Variants in GATAD1 observed in about 807,000 individuals in gnomAD.
The protein encoded by GATAD1 is GATA zinc finger domain containing 1.
Under a neutral mutation model 26.5 loss-of-function variants are expected in GATAD1, and 12 were observed. The ratio of observed to expected loss-of-function variants is 0.45; its 90% CI spans 0.29 to 0.73. GATAD1 has a LOEUF of 0.73. Ranked by LOEUF, GATAD1 falls within the 30% of genes least tolerant of loss-of-function variation. The pLI is 0.10. For missense variants in GATAD1, 266 were observed against 342.1 expected, an observed-to-expected ratio of 0.78 and a Z score of 1.75; for synonymous variants, 129 against 133.1, an observed-to-expected ratio of 0.97 and a Z score of 0.21.
At chr7:92,452,574 CCTAAACTAGT>C (rs1472122916) in intron 3 of GATAD1, among the ~76,000 whole-genome samples, 1 of 152,146 alleles carries the variant, frequency 6.6e-6, no homozygotes, top group Non-Finnish European at 1.5e-5. Flanking sequence ...TCTGGTGATG[CCTAAACTAGT>C]GCTGTTCTCG....
chr7:92,454,736 A>T, intron 4 of GATAD1, 51 bp downstream of exon 4: 1 of 1,261,420 alleles, frequency 7.9e-7, no homozygotes, highest in Non-Finnish European at 1.1e-6. Flanking sequence ...TAACTCTCCA[A>T]TATTATGTAA....
the GATAD1 span, chr7:92,494,516 G>A: frequency 3.1e-6 from 5 of 1,613,912 alleles, no homozygotes; most frequent in Non-Finnish European, 4.2e-6. Flanking sequence ...ATCCAACTGA[G>A]TCAGCAACTG....
chr7:92,452,631 T>C (rs1789486700), intron 3 of GATAD1, among the ~76,000 whole-genome samples: 1 of 152,214 alleles, frequency 6.6e-6, no homozygotes, highest in African/African-American at 2.4e-5. Flanking sequence ...CCTTGAATCC[T>C]CTCAGCAAAT....
the GATAD1 span, chr7:92,489,847 T>G: frequency 1.2e-6 from 2 of 1,613,934 alleles, no homozygotes; most frequent in Non-Finnish European, 1.7e-6. Context: ...AAACAACTGG[T>G]CTTTCCCAGG....
chr7:92,480,561 G>T, the GATAD1 span, among the ~76,000 whole-genome samples: 1 of 152,210 alleles, frequency 6.6e-6, no homozygotes, highest in Non-Finnish European at 1.5e-5. Context: ...AAGAGGTTAT[G>T]AAATGATGAC....
chr7:92,457,854 A>G lies in GATAD1; in HGVS notation c.*1292A>G, dbSNP rs1482178079. The G allele has an allele frequency of 2.6e-5, 4 of 152,212 alleles. No individual in the cohort carries two copies. In the East Asian group the frequency reaches 7.7e-4, roughly 29 times the overall value. The allele number at this position is 152,212 out of a possible 1,614,324, so 9.4% of individuals were successfully genotyped here. A position where few individuals can be genotyped will look rare whatever the true frequency, so the allele number is the denominator to read the frequency against. ...CCCAGGCTTTTAAAAACTTTCATCTAGGCCACGTGCGGTGGCTCATGCCTG... is the reference window on the plus strand; with the variant it reads ...CCCAGGCTTTTAAAAACTTTCATCTGGGCCACGTGCGGTGGCTCATGCCTG... On this transcript the variant is annotated 3_prime_UTR_variant, in exon 5 of 5. Transcript: ENST00000287957.
chr7:92,455,226 T>G (rs1789620769), intron 4 of GATAD1, among the ~76,000 whole-genome samples: 1 of 152,200 alleles, frequency 6.6e-6, no homozygotes, highest in Non-Finnish European at 1.5e-5. Context: ...GTGTGAGTGC[T>G]ATCAGTTATT....
chr7:92,487,342 A>T, the GATAD1 span: 2 of 633,388 alleles, frequency 3.2e-6, no homozygotes, highest in African/African-American at 3.7e-5. Context: ...GATTTTATAA[A>T]TTAACCAAAT....
chr7:92,465,234 A>C, the GATAD1 span: 3 of 152,254 alleles, frequency 2.0e-5, no homozygotes, highest in African/African-American at 7.2e-5. Context: ...CAAAGAATCT[A>C]ATACAAATTA....
intron 3 of GATAD1, among the ~76,000 whole-genome samples, chr7:92,452,688 A>G (rs1789489834): frequency 6.6e-6 from 1 of 152,194 alleles, no homozygotes; most frequent in Non-Finnish European, 1.5e-5. Context: ...GGTGTTATAT[A>G]TGTGTACACA....
At chr7:92,474,661 A>G in the GATAD1 span, 2 of 152,222 alleles carry the variant, frequency 1.3e-5, no homozygotes, top group African/African-American at 4.8e-5. Flanking sequence ...GGCTGCAGTT[A>G]TGGTGGCACT....
rs1023089561 is a variant in GATAD1 at position 92,458,756 on chromosome 7, G to A, written c.*2194G>A. 6.6e-6 allele frequency: 1 copy of A among 152,142 alleles called. No individual in the cohort carries two copies. Among genetic ancestry groups the A allele is most frequent in the Non-Finnish European group, 1.5e-5 (1 of 68,036 alleles). 9.4% of individuals were successfully genotyped at this position (152,142 alleles called of 1,614,324 possible). Reference sequence around the variant, plus strand: ...ATAATTATCTCTTTATTCACAAAGGGTATAGTAAAATTGATTGTAAATAAC... The same window carrying A: ...ATAATTATCTCTTTATTCACAAAGGATATAGTAAAATTGATTGTAAATAAC... On this transcript the variant is annotated 3_prime_UTR_variant, in exon 5 of 5. Coordinates refer to ENST00000287957, the MANE Select transcript of GATAD1 (RefSeq NM_021167.5).
chr7:92,462,211 G>A (rs1251825358), downstream of GATAD1, among the ~76,000 whole-genome samples: 1 of 151,952 alleles, frequency 6.6e-6, no homozygotes, highest in African/African-American at 2.4e-5. Context: ...CAATCTAAAG[G>A]TCCAACAATA....
chr7:92,487,642 C>A, the GATAD1 span: 2 of 516,978 alleles, frequency 3.9e-6, no homozygotes, highest in Non-Finnish European at 3.4e-6. Flanking sequence ...AAGAAATGAA[C>A]GGGAAATAAC....
At chr7:92,461,636 A>G (rs1363533394), downstream of GATAD1, among the ~76,000 whole-genome samples, 3 of 152,232 alleles carry the variant, frequency 2.0e-5, no homozygotes, top group African/African-American at 7.2e-5. Flanking sequence ...TCACATAGGG[A>G]AAGATAGATT....
chr7:92,448,279 C>T (rs980665673), intron 1 of GATAD1, among the ~76,000 whole-genome samples: 4 of 152,196 alleles, frequency 2.6e-5, no homozygotes, highest in African/African-American at 9.7e-5. Context: ...GACCTCATTC[C>T]TTGTTAAAGG....
intron 3 of GATAD1, among the ~76,000 whole-genome samples, chr7:92,451,686 T>C (rs915122276): frequency 1.3e-5 from 2 of 152,274 alleles, no homozygotes; most frequent in African/African-American, 4.8e-5. Context: ...ACATCTCTCT[T>C]ATTTTTCCAA....
chr7:92,448,053 C>G, intron 1 of GATAD1, 75 bp downstream of exon 1: 1 of 1,073,482 alleles, frequency 9.3e-7, no homozygotes, highest in African/African-American at 1.7e-5. Context: ...TGGCTGGGAG[C>G]GGGCGGGCGC....
chr7:92,492,035 A>C, the GATAD1 span, among the ~76,000 whole-genome samples: 1 of 152,348 alleles, frequency 6.6e-6, no homozygotes, highest in Admixed American at 6.5e-5. Flanking sequence ...TATATGGTAA[A>C]GTCTATAATG....
Sources: gnomAD v4.1 joint callset for allele counts (sites outside exome capture counted in the v4.1 genomes callset) on GRCh38, gnomAD v4.1.1 for gene constraint, MANE v1.5 for transcripts, NCBI Gene and HGNC (gene_info 2026-07-23, HGNC 2026-07-21) for gene names.